RORA: variants seen among roughly 807,000 people sequenced by gnomAD.
RORA encodes nuclear receptor ROR-alpha.
A neutral mutation model predicts 69.5 loss-of-function variants in RORA; 7 were observed. The observed-to-expected ratio is 0.10, with a 90% CI of 0.06 to 0.19. The LOEUF (loss-of-function observed/expected upper bound fraction) is 0.19. Ranked by LOEUF, RORA falls within the 10% of genes least tolerant of loss-of-function variation. The probability of loss-of-function intolerance (pLI) is 1.00; values close to 1 mark genes in which losing one functional copy is unlikely to be tolerated. For synonymous variants in RORA, 261 were observed against 240.8 expected (o/e 1.08, Z -0.78); for missense variants, 457 against 663.0 (o/e 0.69, Z 3.41).
In RORA at chr15:61,128,323, C is replaced by A. The variant is rs1439465985; in HGVS notation, c.166+100730G>T. Among the ~76,000 whole-genome samples, 1 of 151,806 alleles carries A rather than the reference C, an allele frequency of 6.6e-6. No individual in the cohort carries two copies. The highest frequency in any genetic ancestry group is 2.4e-5 in the African/African-American group (1 of 41,304). ...TATTAGCTTACCTTTATTTTTTAAA[C>A]TGCAAATACAGAAAGAAAAAAAAAA... On this transcript the variant is annotated intron_variant, in intron 1 of 10. Transcript: ENST00000335670. The surrounding 1 kb of genome is among the most constrained non-coding windows in gnomAD (Gnocchi z 4.5).
intron 1 of RORA, among the ~76,000 whole-genome samples, chr15:60,731,535 C>T (rs761580377): frequency 1.1e-4 from 17 of 152,174 alleles, no homozygotes; most frequent in Admixed American, 6.5e-5. Flanking sequence ...AAGAATCAGT[C>T]CCCTGCCTAG....
At chr15:60,725,797 G>T (rs1475475804) in intron 1 of RORA, among the ~76,000 whole-genome samples, 1 of 152,098 alleles carries the variant, frequency 6.6e-6, no homozygotes, top group African/African-American at 2.4e-5. Flanking sequence ...TTTCATCAAA[G>T]ACTATGTCCC....
intron 1 of RORA, chr15:60,736,639 G>GTCTA (rs1357115654): frequency 6.6e-6 from 1 of 152,178 alleles, no homozygotes; most frequent in African/African-American, 2.4e-5. Context: ...TGTGGCCCCT[G>GTCTA]TCTACCATGT....
chr15:60,541,569 C>G (rs928806741), intron 2 of RORA, among the ~76,000 whole-genome samples: 1 of 152,154 alleles, frequency 6.6e-6, no homozygotes, highest in Non-Finnish European at 1.5e-5. Flanking sequence ...GTGGCAGGAG[C>G]TGGTGGCTAT....
At chr15:60,741,691 C>CA (rs1191029931) in intron 1 of RORA, among the ~76,000 whole-genome samples, 1 of 152,196 alleles carries the variant, frequency 6.6e-6, no homozygotes, top group East Asian at 1.9e-4. Context: ...ATGGGAGCCG[C>CA]ACCTCATTGG....
chr15:60,802,252 C>G (rs945970930), intron 1 of RORA, among the ~76,000 whole-genome samples: 13 of 152,190 alleles, frequency 8.5e-5, no homozygotes, highest in African/African-American at 3.1e-4. Context: ...TCCTCATCTG[C>G]GTATGTGAAT....
intron 1 of RORA, among the ~76,000 whole-genome samples, chr15:60,769,021 A>G (rs1017664798): frequency 6.6e-6 from 1 of 152,172 alleles, no homozygotes; most frequent in Non-Finnish European, 1.5e-5. Context: ...TTCGGTCAAC[A>G]TCCTAATCAG....
At chr15:60,910,028 A>C (rs1381130733) in intron 1 of RORA, among the ~76,000 whole-genome samples, 3 of 152,224 alleles carry the variant, frequency 2.0e-5, no homozygotes, top group Non-Finnish European at 4.4e-5. Context: ...ATTGAGTTGC[A>C]AAGGGGAAAA....
chr15:61,168,408 T>C (rs534392013), intron 1 of RORA, among the ~76,000 whole-genome samples: 3 of 152,134 alleles, frequency 2.0e-5, no homozygotes, highest in African/African-American at 7.2e-5. Flanking sequence ...TTTGTATTTT[T>C]ACAAAATTAC....
At chr15:60,686,101 T>A (rs1201212701) in intron 1 of RORA, among the ~76,000 whole-genome samples, 3 of 152,212 alleles carry the variant, frequency 2.0e-5, no homozygotes, top group Admixed American at 6.5e-5. Flanking sequence ...CTCTAGGTCA[T>A]ATTTCCTGAC....
intron 9 of RORA, among the ~76,000 whole-genome samples, chr15:60,500,264 T>C (rs2141260558): frequency 6.6e-6 from 1 of 152,276 alleles, no homozygotes; most frequent in South Asian, 2.1e-4. Flanking sequence ...AACAATTAAA[T>C]ATGAGGCCAT....
chr15:61,003,093 G>A (rs1386532624), intron 1 of RORA, among the ~76,000 whole-genome samples: 5 of 148,698 alleles, frequency 3.4e-5, no homozygotes, highest in South Asian at 2.1e-4. Context: ...GCAGTGAGCC[G>A]AGATGGTGCC....
At chr15:61,194,194 G>A (rs1188404649) in intron 1 of RORA, 1 of 152,188 alleles carries the variant, frequency 6.6e-6, no homozygotes. Flanking sequence ...TCCCAGAGAA[G>A]AAAGAAAATG....
intron 1 of RORA, among the ~76,000 whole-genome samples, chr15:60,755,836 C>T (rs1048130648): frequency 1.3e-5 from 2 of 152,206 alleles, no homozygotes; most frequent in African/African-American, 4.8e-5. Flanking sequence ...TTTCTCTCCT[C>T]CATGCAAATC....
At chr15:60,698,535 T>C (rs1490709286) in intron 1 of RORA, among the ~76,000 whole-genome samples, 1 of 152,120 alleles carries the variant, frequency 6.6e-6, no homozygotes, top group Non-Finnish European at 1.5e-5. Context: ...CACTTATTGA[T>C]AATCATAGCC....
chr15:61,219,338 G>A (rs1283360298), intron 1 of RORA, among the ~76,000 whole-genome samples: 1 of 152,208 alleles, frequency 6.6e-6, no homozygotes, highest in African/African-American at 2.4e-5. Context: ...ACTTTGGGAG[G>A]CCAAGGCGGG....
intron 1 of RORA, among the ~76,000 whole-genome samples, chr15:61,114,140 T>C (rs2079030411): frequency 6.6e-6 from 1 of 152,220 alleles, no homozygotes; most frequent in Non-Finnish European, 1.5e-5. Flanking sequence ...ACTGAAAATT[T>C]GGCTCACCAC....
At chr15:61,052,344 T>C (rs1041739169) in intron 1 of RORA, among the ~76,000 whole-genome samples, 7 of 152,262 alleles carry the variant, frequency 4.6e-5, no homozygotes, top group African/African-American at 1.7e-4. Flanking sequence ...ACTGGAAAGC[T>C]AGAATTCTAG....
intron 2 of RORA, among the ~76,000 whole-genome samples, chr15:60,649,765 T>C (rs1339416294): frequency 6.6e-6 from 1 of 152,194 alleles, no homozygotes; most frequent in Non-Finnish European, 1.5e-5. Context: ...GTCCCATGAA[T>C]ATTGCAATAT....
Sources: gnomAD v4.1 joint callset for allele counts (sites outside exome capture counted in the v4.1 genomes callset) on GRCh38, gnomAD v4.1.1 for gene constraint, Gnocchi (gnomAD v3.1) non-coding constraint, MANE v1.5 for transcripts, NCBI Gene and HGNC (gene_info 2026-07-23, HGNC 2026-07-21) for gene names.